The following SYTL3 variants were observed in gnomAD, a reference collection of about 807,000 sequenced individuals.
SYTL3 encodes the protein synaptotagmin like 3, also known as synaptotagmin-like protein 3.
SYTL3 carries 88 observed loss-of-function variants against 82.1 expected under a neutral mutation model. That is an observed-to-expected ratio of 1.07 (90% confidence interval 0.90 to 1.28). SYTL3 has a LOEUF of 1.28. Among genes scored for constraint, SYTL3 ranks in the 50% most tolerant of loss-of-function variants. SYTL3 has a pLI of 0.00. For synonymous variants in SYTL3, 311 were observed against 289.4 expected (o/e 1.07, Z -0.76); for missense variants, 831 against 757.6 (o/e 1.10, Z -1.14).
At chr6:158,752,097 T>A in intron 13 of SYTL3, 67 bp downstream of exon 13, 4 of 1,098,320 alleles carry the variant, frequency 3.6e-6, no homozygotes, top group Non-Finnish European at 5.1e-6. Context: ...TGGGGCAGAG[T>A]CCAGTGGATG....
chr6:158,697,598 A>T (rs1780705468), intron 6 of SYTL3, among the ~76,000 whole-genome samples: 1 of 152,240 alleles, frequency 6.6e-6, no homozygotes, highest in Non-Finnish European at 1.5e-5. Flanking sequence ...TTAACAAAAT[A>T]AAAAGGTAAG....
intron 2 of SYTL3, among the ~76,000 whole-genome samples, chr6:158,656,704 G>A (rs1427410742): frequency 6.6e-6 from 1 of 151,610 alleles, no homozygotes; most frequent in African/African-American, 2.4e-5. Context: ...CAGCCTGGGC[G>A]ACAGAGCGAG....
intron 5 of SYTL3, among the ~76,000 whole-genome samples, chr6:158,666,210 G>C (rs567348032): frequency 1.3e-5 from 2 of 152,216 alleles, no homozygotes; most frequent in African/African-American, 2.4e-5. Context: ...TTCAGTACCA[G>C]TGGAGTAAAT....
chr6:158,676,254 A>G (rs1004284685), intron 5 of SYTL3, among the ~76,000 whole-genome samples: 15 of 152,336 alleles, frequency 9.8e-5, no homozygotes, highest in African/African-American at 3.1e-4. Flanking sequence ...AATGTTGCAT[A>G]TCTACAACTA....
At chr6:158,677,468 T>G (rs1440343078) in intron 5 of SYTL3, among the ~76,000 whole-genome samples, 1 of 151,800 alleles carries the variant, frequency 6.6e-6, no homozygotes, top group African/African-American at 2.4e-5. Context: ...AGTTAATGGG[T>G]GCAGCACAAC....
chr6:158,691,560 C>G (rs991415939), intron 6 of SYTL3, among the ~76,000 whole-genome samples: 1 of 152,092 alleles, frequency 6.6e-6, no homozygotes, highest in Non-Finnish European at 1.5e-5. Context: ...AAATGCACCT[C>G]TTTTACTTTT....
intron 2 of SYTL3, among the ~76,000 whole-genome samples, chr6:158,656,644 A>G (rs1451367956): frequency 3.3e-5 from 5 of 151,956 alleles, no homozygotes; most frequent in Non-Finnish European, 7.4e-5. Flanking sequence ...AGAATGGCGT[A>G]AACCCGGGAG....
At chr6:158,670,965 G>A (rs1361489866) in intron 5 of SYTL3, among the ~76,000 whole-genome samples, 1 of 151,746 alleles carries the variant, frequency 6.6e-6, no homozygotes, top group Non-Finnish European at 1.5e-5. Context: ...ACCAAGCCCG[G>A]CTAATTTTTT....
At chr6:158,726,691 TCATTCAG>T (rs1784754488) in intron 11 of SYTL3, 1 of 285,716 alleles carries the variant, frequency 3.5e-6, no homozygotes, top group African/African-American at 2.3e-5. Context: ...AAGCCTTCGT[TCATTCAG>T]CACTGTTTTC....
intron 13 of SYTL3, among the ~76,000 whole-genome samples, chr6:158,753,077 CTTTTTTTTT>C (rs34396644): frequency 5.0e-5 from 5 of 99,112 alleles, no homozygotes; most frequent in Non-Finnish European, 9.8e-5. Context: ...TTCTTCTTTT[CTTTTTTTTT>C]TTTTTTTTTT....
At chr6:158,693,078 A>T (rs934515331) in intron 6 of SYTL3, among the ~76,000 whole-genome samples, 4 of 152,248 alleles carry the variant, frequency 2.6e-5, no homozygotes, top group African/African-American at 7.2e-5. Context: ...CATCCAATGG[A>T]TTCCACAAGG....
At position 158,708,920 on chromosome 6, in the gene SYTL3, A is replaced by G. The variant is rs545360588; in HGVS notation, c.516+529A>G. On this transcript the variant is annotated intron_variant, in intron 8 of 17. Coordinates refer to ENST00000611299, the MANE Select transcript of SYTL3 (RefSeq NM_001242394.2). ...ACTTATGATGAGGTTATGTCCCAAT[A>G]CGCCCAAAGTAAATTGAAAATACTG... Among the ~76,000 whole-genome samples, 6 of 152,288 alleles carry G rather than the reference A, an allele frequency of 3.9e-5. No homozygotes were observed. In the South Asian group the frequency reaches 1.2e-3, roughly 32 times the overall value.
At chr6:158,715,470 A>G (rs758928868) in intron 9 of SYTL3, among the ~76,000 whole-genome samples, 37 of 152,144 alleles carry the variant, frequency 2.4e-4, no homozygotes, top group Non-Finnish European at 5.9e-5. Context: ...ACACTTGAGC[A>G]CTTGAGGCTA....
chr6:158,680,005 G>T (rs1394656615), intron 5 of SYTL3, among the ~76,000 whole-genome samples: 1 of 152,202 alleles, frequency 6.6e-6, no homozygotes, highest in Admixed American at 6.5e-5. Context: ...GAGATGAGCT[G>T]AAATGGGTCA....
intron 2 of SYTL3, among the ~76,000 whole-genome samples, chr6:158,658,387 G>C (rs1204100927): frequency 2.0e-5 from 3 of 152,192 alleles, no homozygotes; most frequent in Non-Finnish European, 2.9e-5. Flanking sequence ...ATGGGGGTAT[G>C]GTACTGCACT....
At chr6:158,758,141 T>A (rs1186551886) in intron 14 of SYTL3, among the ~76,000 whole-genome samples, 1 of 152,048 alleles carries the variant, frequency 6.6e-6, no homozygotes, top group Non-Finnish European at 1.5e-5. Flanking sequence ...GCCATCTCTT[T>A]AAAAACCCCA....
intron 11 of SYTL3, chr6:158,726,317 C>CT: frequency 5.2e-6 from 2 of 384,364 alleles, no homozygotes; most frequent in Non-Finnish European, 5.0e-6. Context: ...CAGGTTTCTT[C>CT]TTTTTTAAGA....
chr6:158,678,730 A>G (rs1344399760), intron 5 of SYTL3, among the ~76,000 whole-genome samples: 1 of 152,184 alleles, frequency 6.6e-6, no homozygotes, highest in African/African-American at 2.4e-5. Flanking sequence ...AGTTAATGTG[A>G]AGGTCAGTCA....
At chr6:158,677,385 C>T (rs1778162643) in intron 5 of SYTL3, among the ~76,000 whole-genome samples, 1 of 152,118 alleles carries the variant, frequency 6.6e-6, no homozygotes. Flanking sequence ...GGAAGGGGAA[C>T]ATCACACACC....
Sources: gnomAD v4.1 joint callset for allele counts (sites outside exome capture counted in the v4.1 genomes callset) on GRCh38, gnomAD v4.1.1 for gene constraint, MANE v1.5 for transcripts, NCBI Gene and HGNC (gene_info 2026-07-23, HGNC 2026-07-21) for gene names.